Variants in UROS observed in about 807,000 individuals in gnomAD.
The protein encoded by UROS is uroporphyrinogen-III synthase.
A neutral mutation model predicts 33.0 loss-of-function variants in UROS; 18 were observed. That is an observed-to-expected ratio of 0.55 (90% CI 0.38 to 0.81). The LOEUF (loss-of-function observed/expected upper bound fraction) is 0.81, where lower values mean the gene tolerates loss of function less well. Among genes scored for constraint, UROS ranks in the 30% least tolerant of loss-of-function variants. The pLI is 0.00. For missense variants in UROS, 293 were observed against 314.9 expected (o/e 0.93, Z 0.53); for synonymous variants, 114 against 121.1 (o/e 0.94, Z 0.38).
chr10:125,787,489 G>C (rs1850667636), downstream of UROS, among the ~76,000 whole-genome samples: 1 of 152,078 alleles, frequency 6.6e-6, no homozygotes, highest in African/African-American at 2.4e-5. Context: ...GTGCACACTG[G>C]AGGCACCTGG....
At chr10:125,816,738 A>G in intron 1 of UROS, 1 of 590,898 alleles carries the variant, frequency 1.7e-6, no homozygotes, top group Non-Finnish European at 3.0e-6. Context: ...AGTTGATATC[A>G]CTTGGAAAGA....
intron 6 of UROS, among the ~76,000 whole-genome samples, chr10:125,806,193 A>C (rs1389489180): frequency 6.6e-6 from 1 of 152,234 alleles, no homozygotes; most frequent in Non-Finnish European, 1.5e-5. Context: ...ACAAGTTTGC[A>C]CGTCAAGAAA....
intron 4 of UROS, 88 bp downstream of exon 4, chr10:125,814,946 G>A (rs1853164327): frequency 7.0e-7 from 1 of 1,436,246 alleles, no homozygotes; most frequent in East Asian, 2.4e-5. Flanking sequence ...TCTCTTAGAA[G>A]TGCAGCTGCT....
At chr10:125,788,416 C>T (rs1850694963), downstream of UROS, among the ~76,000 whole-genome samples, 1 of 152,196 alleles carries the variant, frequency 6.6e-6, no homozygotes. Context: ...CCATGGCTCA[C>T]AAGCAGGAAC....
chr10:125,803,108 T>C (rs1851980132), intron 6 of UROS: 2 of 1,596,524 alleles, frequency 1.3e-6, no homozygotes, highest in African/African-American at 2.7e-5. Context: ...AGGAAGAGCT[T>C]TGGAGTCAGC....
chr10:125,814,882 G>T, intron 4 of UROS, 152 bp downstream of exon 4: 1 of 873,732 alleles, frequency 1.1e-6, no homozygotes, highest in Non-Finnish European at 1.9e-6. Context: ...AGATAGCCCT[G>T]TTCTCCTGTT....
chr10:125,792,441 C>T (rs1424688407), intron 9 of UROS: 1 of 152,274 alleles, frequency 6.6e-6, no homozygotes, highest in East Asian at 1.9e-4. Flanking sequence ...GCCACGTTCA[C>T]AGCCTGGCTC....
intron 6 of UROS, among the ~76,000 whole-genome samples, chr10:125,805,758 A>G (rs1290510351): frequency 6.6e-6 from 1 of 152,212 alleles, no homozygotes; most frequent in Non-Finnish European, 1.5e-5. Flanking sequence ...GATGGTGAAG[A>G]TTAAATGACA....
At chr10:125,812,145 T>G in intron 5 of UROS, 69 bp downstream of exon 5, 1 of 1,448,298 alleles carries the variant, frequency 6.9e-7, no homozygotes, top group Non-Finnish European at 9.7e-7. Flanking sequence ...TAAACTGAGT[T>G]AAACTGTTTT....
rs2133866391 is a variant in UROS, at chr10:125,801,930, A to C, written c.395-3785T>G. The C allele has an allele frequency of 3.6e-6, 3 of 842,682 alleles. 1 individual carries two copies. In the South Asian group the frequency reaches 1.6e-4, roughly 46 times the overall value. The allele number at this position is 842,682 out of a possible 1,614,324, so 52.2% of individuals were successfully genotyped here. A position where few individuals can be genotyped will look rare whatever the true frequency, so the allele number is the denominator to read the frequency against. On this transcript the variant is annotated intron_variant, in intron 6 of 9. Coordinates refer to ENST00000368797, the MANE Select transcript of UROS (RefSeq NM_000375.3). ...TTCACTTCTGTCTCCTTACAAACAA[A>C]CTGTGGGTACAGCTCAATGTCTTCA...
At chr10:125,785,414 A>G (rs1850611657), downstream of UROS, 1 of 152,212 alleles carries the variant, frequency 6.6e-6, no homozygotes, top group Non-Finnish European at 1.5e-5. Flanking sequence ...CTGAATATCA[A>G]GGATTCTTGT....
chr10:125,798,695 C>T (rs745525086), intron 6 of UROS, among the ~76,000 whole-genome samples: 1 of 152,222 alleles, frequency 6.6e-6, no homozygotes, highest in Non-Finnish European at 1.5e-5. Context: ...AGGCCAAGTG[C>T]CAAAAGGCGA....
intron 6 of UROS, chr10:125,802,717 G>A (rs1263833834): frequency 3.6e-6 from 5 of 1,373,156 alleles, no homozygotes; most frequent in African/African-American, 1.5e-5. Context: ...TCTAGAGAAA[G>A]CCTAGCAGTA....
At chr10:125,818,417 C>T (rs1564806062) in intron 1 of UROS, among the ~76,000 whole-genome samples, 1 of 152,048 alleles carries the variant, frequency 6.6e-6, no homozygotes, top group East Asian at 1.9e-4. Context: ...CACTTGAGCC[C>T]AGGAGTTCAA....
downstream of UROS, among the ~76,000 whole-genome samples, chr10:125,786,555 C>T (rs745505227): frequency 2.6e-5 from 4 of 152,120 alleles, no homozygotes; most frequent in African/African-American, 4.8e-5. Context: ...TGAGCCACCG[C>T]GCCTGGCCAC....
chr10:125,817,598 T>G (rs576967382), intron 1 of UROS, among the ~76,000 whole-genome samples: 11 of 148,502 alleles, frequency 7.4e-5, no homozygotes, highest in Admixed American at 1.4e-4. Context: ...TTAGGGTTGC[T>G]GAGTGACTCA....
intron 1 of UROS, 132 bp from the exon 2 acceptor site, chr10:125,816,657 A>C: frequency 2.4e-6 from 2 of 830,044 alleles, no homozygotes; most frequent in South Asian, 3.0e-5. Context: ...CTACACCATG[A>C]CTTAGCACTA....
At chr10:125,799,299 C>T (rs1851617581) in intron 6 of UROS, among the ~76,000 whole-genome samples, 1 of 152,214 alleles carries the variant, frequency 6.6e-6, no homozygotes, top group African/African-American at 2.4e-5. Context: ...CTGCTGATTT[C>T]TCTCTTCCAG....
chr10:125,813,677 C>T (rs1035082868), intron 4 of UROS, among the ~76,000 whole-genome samples: 2 of 152,300 alleles, frequency 1.3e-5, no homozygotes, highest in Middle Eastern at 3.4e-3. Context: ...TGGGGTTTCA[C>T]CATGTTGGCC....
Sources: allele counts gnomAD v4.1 joint callset (sites outside exome capture counted in the v4.1 genomes callset), GRCh38; gene constraint gnomAD v4.1.1; transcripts MANE v1.5; gene names NCBI Gene and HGNC (gene_info 2026-07-23, HGNC 2026-07-21).